NFXL1: variants seen among roughly 807,000 people sequenced by gnomAD.
NFXL1 encodes the protein nuclear transcription factor, X-box binding like 1.
A neutral mutation model predicts 123.3 loss-of-function variants in NFXL1; 66 were observed. The observed-to-expected ratio is 0.54, with a 90% CI of 0.44 to 0.66. The LOEUF is 0.66. Ranked by LOEUF, NFXL1 falls within the 30% of genes least tolerant of loss-of-function variation. The probability of loss-of-function intolerance (pLI) is 0.00; values close to 1 mark genes in which losing one functional copy is unlikely to be tolerated. For missense variants in NFXL1, 944 were observed against 1,125.6 expected, an observed-to-expected ratio of 0.84 and a Z score of 2.31; for synonymous variants, 346 against 360.8, an observed-to-expected ratio of 0.96 and a Z score of 0.46.
intron 18 of NFXL1, among the ~76,000 whole-genome samples, chr4:47,871,678 T>C (rs1051387189): frequency 6.6e-6 from 1 of 152,144 alleles, no homozygotes; most frequent in East Asian, 1.9e-4. Flanking sequence ...TAATGTAAAA[T>C]TGCCCTCTAA....
At chr4:47,878,776 A>AT (rs1735906350) in intron 16 of NFXL1, 111 bp from the exon 17 acceptor site, 2 of 739,884 alleles carry the variant, frequency 2.7e-6, no homozygotes, top group Non-Finnish European at 4.1e-6. Flanking sequence ...TCAGAAAGGT[A>AT]TAAGTTTGCA....
rs370408563 is a variant in NFXL1, at chr4:47,903,168, A to G, written c.647+25T>C. On this transcript the variant is annotated intron_variant, in intron 5 of 22. Transcript: ENST00000507489. ...AACTCCATCTGAAAATAATAATAAT[A>G]ATCCAACTAATTAGAAAAAGTTACC... 411 of 1,522,422 alleles carry G rather than the reference A, an allele frequency of 2.7e-4. 3 individuals carry two copies. In the Middle Eastern group the frequency reaches 2.8e-3, roughly 10 times the overall value. 94.3% of individuals were successfully genotyped at this position (1,522,422 alleles called of 1,614,324 possible).
intron 12 of NFXL1, among the ~76,000 whole-genome samples, chr4:47,889,913 C>T (rs1052284106): frequency 4.6e-5 from 7 of 151,902 alleles, no homozygotes; most frequent in Non-Finnish European, 7.4e-5. Flanking sequence ...TATGTGAATC[C>T]GGCTATTTTC....
At chr4:47,862,718 G>T in intron 19 of NFXL1, 128 bp downstream of exon 19, 1 of 713,772 alleles carries the variant, frequency 1.4e-6, no homozygotes. Context: ...CTAACTATAT[G>T]TCTTACGTGT....
intron 3 of NFXL1, among the ~76,000 whole-genome samples, chr4:47,907,812 G>T (rs899047656): frequency 4.6e-5 from 7 of 152,124 alleles, no homozygotes; most frequent in African/African-American, 1.7e-4. Flanking sequence ...AAAATAAAAT[G>T]ACTCTATCTA....
At chr4:47,863,666 A>G (rs1734891415) in intron 18 of NFXL1, among the ~76,000 whole-genome samples, 1 of 152,174 alleles carries the variant, frequency 6.6e-6, no homozygotes, top group African/African-American at 2.4e-5. Context: ...TGGGTGACTG[A>G]GCAAGACTCT....
rs1339437229 is a variant in NFXL1, at chr4:47,898,777, G to A, written c.1069C>T (p.Pro357Ser). The part of the protein sequence containing the change: ...KKVAERSCAS[P>S]LWHCDQVCGK... ...CTTACTTGATCACAGTGCCATAGTG[G>A]ACTTGCACAACTTCTTTCAGCTACT... Residue 357 changes from proline (P) to serine (S), a missense_variant, in exon 8 of 23, where the codon CCA becomes TCA. Around this residue, in one of 4 missense-constraint regions of NFXL1, gnomAD observed 296 missense variants for 395.1 expected, o/e 0.75. Transcript: ENST00000507489. The A allele has an allele frequency of 6.2e-7, 1 of 1,610,744 alleles. No individual in the cohort carries two copies. Among genetic ancestry groups the A allele is most frequent in the African/African-American group, 1.3e-5 (1 of 74,802 alleles).
chr4:47,852,772 AT>A (rs1734197283), intron 20 of NFXL1, among the ~76,000 whole-genome samples: 1 of 151,974 alleles, frequency 6.6e-6, no homozygotes. Flanking sequence ...TCTTTTATTC[AT>A]TCATTTATTG....
chr4:47,898,149 C>A (rs1162510337), intron 8 of NFXL1, 68 bp from the exon 9 acceptor site: 2 of 903,232 alleles, frequency 2.2e-6, no homozygotes. Flanking sequence ...TCATACAAGA[C>A]ACAATCCATT....
chr4:47,875,790 A>G (rs1357178100), intron 17 of NFXL1, among the ~76,000 whole-genome samples: 1 of 152,200 alleles, frequency 6.6e-6, no homozygotes, highest in East Asian at 1.9e-4. Context: ...ATATACAATG[A>G]AAAAAGAATG....
intron 11 of NFXL1, 79 bp from the exon 12 acceptor site, chr4:47,890,782 C>A (rs1370326099): frequency 1.3e-5 from 10 of 749,888 alleles, no homozygotes; most frequent in African/African-American, 3.5e-5. Flanking sequence ...AGTTACAGAA[C>A]TTATGGAAAG....
intron 22 of NFXL1, among the ~76,000 whole-genome samples, chr4:47,849,327 C>A (rs938693328): frequency 6.6e-6 from 1 of 152,118 alleles, no homozygotes; most frequent in Non-Finnish European, 1.5e-5. Context: ...TTTTATCCTA[C>A]TGCTAAGTAC....
chr4:47,909,504 A>G (rs1737725852), intron 3 of NFXL1, among the ~76,000 whole-genome samples: 1 of 152,216 alleles, frequency 6.6e-6, no homozygotes, highest in East Asian at 1.9e-4. Flanking sequence ...AATATTTGTA[A>G]GGTTTTTCCT....
chr4:47,880,301 T>C (rs975139217), intron 15 of NFXL1, among the ~76,000 whole-genome samples: 6 of 148,352 alleles, frequency 4.0e-5, no homozygotes, highest in African/African-American at 1.5e-4. Flanking sequence ...TACTAGGGGG[T>C]TGGGGGTAGA....
chr4:47,865,151 TTGA>T (rs1734980874), intron 18 of NFXL1, among the ~76,000 whole-genome samples: 1 of 152,206 alleles, frequency 6.6e-6, no homozygotes, highest in Non-Finnish European at 1.5e-5. Context: ...GTCTTTTGTG[TTGA>T]TTGTTGTGTT....
intron 22 of NFXL1, 62 bp from the exon 23 acceptor site, chr4:47,848,398 T>C: frequency 7.7e-7 from 1 of 1,297,518 alleles, no homozygotes; most frequent in Non-Finnish European, 1.1e-6. Context: ...AAAGTTTCCA[T>C]TTACATAAAA....
intron 12 of NFXL1, among the ~76,000 whole-genome samples, chr4:47,886,925 TTGGTTA>T (rs1342035497): frequency 6.6e-6 from 1 of 152,190 alleles, no homozygotes; most frequent in African/African-American, 2.4e-5. Flanking sequence ...TGACCTGATA[TTGGTTA>T]GTAGCAAGCA....
chr4:47,893,175 T>G (rs575019795), intron 11 of NFXL1, among the ~76,000 whole-genome samples: 3 of 151,390 alleles, frequency 2.0e-5, no homozygotes, highest in Admixed American at 1.3e-4. Flanking sequence ...AGAAACAGAC[T>G]GAAAAATAAA....
chr4:47,893,449 A>C (rs1812964), intron 11 of NFXL1, among the ~76,000 whole-genome samples: 125,473 of 151,876 alleles, frequency 0.83, 52,047 homozygotes, highest in East Asian at 0.98. Flanking sequence ...TAATAACCAG[A>C]CAGAAAAAAA....
Sources: allele counts gnomAD v4.1 joint callset (sites outside exome capture counted in the v4.1 genomes callset), GRCh38; gene constraint gnomAD v4.1.1; regional missense constraint gnomAD v4.1.1; transcripts MANE v1.5; gene names NCBI Gene and HGNC (gene_info 2026-07-23, HGNC 2026-07-21).